Variants in TOM1L2 observed in about 807,000 individuals in gnomAD.
The protein encoded by TOM1L2 is TOM1-like protein 2.
In TOM1L2, 31 loss-of-function variants were observed where a neutral mutation model predicts 67.9. That is an observed-to-expected ratio of 0.46 (90% confidence interval 0.34 to 0.62). The LOEUF (loss-of-function observed/expected upper bound fraction) is 0.62, where lower values mean the gene tolerates loss of function less well. Ranked by LOEUF, TOM1L2 falls within the 20% of genes least tolerant of loss-of-function variation. The pLI, the probability that TOM1L2 is intolerant of heterozygous loss-of-function variation, is 0.01. For missense variants in TOM1L2, 606 were observed against 663.5 expected (o/e 0.91, Z 0.95); for synonymous variants, 256 against 254.0 (o/e 1.01, Z -0.07).
chr17:17,924,379 G>A (rs1355822875), intron 1 of TOM1L2, among the ~76,000 whole-genome samples: 1 of 152,144 alleles, frequency 6.6e-6, no homozygotes, highest in African/African-American at 2.4e-5. Context: ...AAAACTCTGT[G>A]ACTATACTAA....
In TOM1L2 at chr17:17,844,493, G is replaced by C. The variant is rs1046280657; in HGVS notation, c.*3142C>G. The C allele has an allele frequency of 1.3e-5, 2 of 152,344 alleles. No individual in the cohort carries two copies. The highest frequency in any genetic ancestry group is 2.9e-5 in the Non-Finnish European group (2 of 68,112). 9.4% of individuals were successfully genotyped at this position (152,344 alleles called of 1,614,324 possible). A position where few individuals can be genotyped will look rare whatever the true frequency, so the allele number is the denominator to read the frequency against. On this transcript the variant is annotated 3_prime_UTR_variant, in exon 15 of 15. Transcript: ENST00000379504. Reference sequence around the variant, plus strand: ...CATCACTCACATGGAGGCGCTAATAGAAAGACAGGAGGACAGACGGATGGT... The same window carrying C: ...CATCACTCACATGGAGGCGCTAATACAAAGACAGGAGGACAGACGGATGGT...
chr17:17,897,922 CTTT>C (rs35600233), intron 3 of TOM1L2, among the ~76,000 whole-genome samples: 4 of 133,642 alleles, frequency 3.0e-5, no homozygotes, highest in Admixed American at 7.6e-5. Context: ...TGGAAGTTAA[CTTT>C]TTTTTTTTTT....
In TOM1L2 at chr17:17,844,665, C is replaced by T. The variant is rs2035552622; in HGVS notation, c.*2970G>A. ...CCTGGAGACTGCCCAGGCAGGGCTA[C>T]TCTGCAGCAGGCAGGCCAAAGGCCC... On this transcript the variant is annotated 3_prime_UTR_variant, in exon 15 of 15. Transcript: ENST00000379504. The T allele has an allele frequency of 6.6e-6, 1 of 152,262 alleles. No individual in the cohort carries two copies. The allele number at this position is 152,262 out of a possible 1,614,324, so 9.4% of individuals were successfully genotyped here.
intron 1 of TOM1L2, among the ~76,000 whole-genome samples, chr17:17,970,148 G>A (rs534876169): frequency 1.6e-4 from 25 of 152,176 alleles, no homozygotes; most frequent in Non-Finnish European, 3.4e-4. Context: ...TCCGCCTCCC[G>A]GGTTCAAGCA....
intron 1 of TOM1L2, among the ~76,000 whole-genome samples, chr17:17,912,630 C>T (rs913362595): frequency 2.6e-5 from 4 of 151,378 alleles, no homozygotes; most frequent in East Asian, 1.9e-4. Context: ...GATGGGATGG[C>T]GGCCGGGAAG....
chr17:17,945,724 C>A (rs529768024), intron 1 of TOM1L2, among the ~76,000 whole-genome samples: 2 of 152,056 alleles, frequency 1.3e-5, no homozygotes, highest in East Asian at 3.9e-4. Flanking sequence ...AAAACTGGAT[C>A]TTAAGTATCT....
At chr17:17,874,046 C>T (rs1177239789) in intron 7 of TOM1L2, among the ~76,000 whole-genome samples, 1 of 152,008 alleles carries the variant, frequency 6.6e-6, no homozygotes, top group African/African-American at 2.4e-5. Context: ...AGCTCCGCCT[C>T]CCGGGTTCAT....
intron 7 of TOM1L2, among the ~76,000 whole-genome samples, chr17:17,875,555 T>C (rs1228475358): frequency 6.6e-6 from 1 of 152,244 alleles, no homozygotes; most frequent in Non-Finnish European, 1.5e-5. Context: ...CGCTGACGAC[T>C]TCAGCTTTGG....
At chr17:17,964,645 C>A (rs2145052476) in intron 1 of TOM1L2, among the ~76,000 whole-genome samples, 1 of 152,274 alleles carries the variant, frequency 6.6e-6, no homozygotes, top group African/African-American at 2.4e-5. Context: ...ATAATCCCAG[C>A]ACTTTGGGAG....
chr17:17,859,711 T>A (rs1308530378), intron 12 of TOM1L2: 1 of 152,088 alleles, frequency 6.6e-6, no homozygotes, highest in African/African-American at 2.4e-5. Flanking sequence ...TGAAACCCTG[T>A]CTCTAGTAAA....
At chr17:17,967,254 G>T (rs2041906612) in intron 1 of TOM1L2, among the ~76,000 whole-genome samples, 2 of 152,202 alleles carry the variant, frequency 1.3e-5, no homozygotes, top group Non-Finnish European at 2.9e-5. Flanking sequence ...CTTCTTGCCT[G>T]TTTATTAAAG....
chr17:17,905,009 G>A (rs1183616218), intron 2 of TOM1L2, among the ~76,000 whole-genome samples: 1 of 152,182 alleles, frequency 6.6e-6, no homozygotes, highest in Non-Finnish European at 1.5e-5. Flanking sequence ...CACCCCTGGG[G>A]GTCAGTAAAC....
At chr17:17,943,083 A>T (rs536082713) in intron 1 of TOM1L2, among the ~76,000 whole-genome samples, 6 of 152,346 alleles carry the variant, frequency 3.9e-5, no homozygotes, top group Non-Finnish European at 8.8e-5. Context: ...AAGCTGAGTC[A>T]TGGGTACACA....
At chr17:17,914,586 C>T (rs545089552) in intron 1 of TOM1L2, among the ~76,000 whole-genome samples, 1 of 152,354 alleles carries the variant, frequency 6.6e-6, no homozygotes, top group African/African-American at 2.4e-5. Context: ...TCTCCTCCTC[C>T]ACTTTCCCCA....
At chr17:17,889,256 G>A (rs1008024837) in intron 4 of TOM1L2, among the ~76,000 whole-genome samples, 1 of 152,206 alleles carries the variant, frequency 6.6e-6, no homozygotes, top group East Asian at 1.9e-4. Context: ...GAAAGGAGGG[G>A]TAGGCATCAG....
At chr17:17,927,660 A>G (rs970306311) in intron 1 of TOM1L2, among the ~76,000 whole-genome samples, 2 of 150,634 alleles carry the variant, frequency 1.3e-5, no homozygotes, top group African/African-American at 2.5e-5. Context: ...GCTGTTGGCT[A>G]TACTTTTTTT....
chr17:17,870,759 TGAG>T lies in TOM1L2; in HGVS notation c.778-1289_778-1287del, dbSNP rs1213488303. Among the ~76,000 whole-genome samples the T allele has an allele frequency of 2.0e-5, 3 of 152,316 alleles. No individual in the cohort carries two copies. The East Asian group carries it at 5.8e-4, about 29-fold the overall frequency. ...TCCTTCCTACCACATCATAAACTCTTGAGGGGGTGTTACCATTTATCCACTCAA... is the reference window on the plus strand; with the variant it reads ...TCCTTCCTACCACATCATAAACTCTTGGGGTGTTACCATTTATCCACTCAA... On this transcript the variant is annotated intron_variant, in intron 7 of 14. Transcript: ENST00000379504.
intron 1 of TOM1L2, among the ~76,000 whole-genome samples, chr17:17,913,923 C>G (rs888038489): frequency 4.6e-5 from 7 of 152,324 alleles, no homozygotes; most frequent in Admixed American, 2.0e-4. Flanking sequence ...GTACTTTCTT[C>G]TCCATGAGAG....
At chr17:17,948,426 A>G (rs973848486) in intron 1 of TOM1L2, among the ~76,000 whole-genome samples, 5 of 152,228 alleles carry the variant, frequency 3.3e-5, no homozygotes, top group African/African-American at 9.6e-5. Context: ...AGGCAGGCAG[A>G]TCACTTGAGG....
Sources: allele counts gnomAD v4.1 joint callset (sites outside exome capture counted in the v4.1 genomes callset), GRCh38; gene constraint gnomAD v4.1.1; transcripts MANE v1.5; gene names NCBI Gene and HGNC (gene_info 2026-07-23, HGNC 2026-07-21).